Variants in RBFOX1 observed in about 807,000 individuals in gnomAD.
RBFOX1 encodes the protein RNA binding protein fox-1 homolog 1.
RBFOX1 carries 8 observed loss-of-function variants against 57.7 expected under a neutral mutation model. The observed-to-expected ratio is 0.14, with a 90% CI of 0.08 to 0.25. The LOEUF is 0.25. Among genes scored for constraint, RBFOX1 ranks in the 10% least tolerant of loss-of-function variants. The pLI, the probability that RBFOX1 is intolerant of heterozygous loss-of-function variation, is 1.00. For missense variants in RBFOX1, 611 were observed against 548.5 expected (o/e 1.11, Z -1.14); for synonymous variants, 326 against 222.4 (o/e 1.47, Z -4.15).
chr16:7,431,321 G>A (rs1458196790), intron 4 of RBFOX1: 4 of 152,172 alleles, frequency 2.6e-5, no homozygotes. Flanking sequence ...CAAGCTTGTG[G>A]GCTCAAGGAA....
intron 3 of RBFOX1, among the ~76,000 whole-genome samples, chr16:5,755,134 C>A (rs1362604915): frequency 1.9e-5 from 2 of 107,096 alleles, no homozygotes; most frequent in Admixed American, 2.1e-4. Flanking sequence ...TGCCTTCAAG[C>A]ATCTGTTTAA....
Position 6,431,523 on chromosome 16 carries a change from C to G in RBFOX1, c.-64+114466C>G, listed in dbSNP as rs181038243. ...AAATGTCTGCTCAGTTGGCAGGTGT[C>G]AGAGAAATCTACAAGCAGATAAAAC... On this transcript the variant is annotated intron_variant, in intron 2 of 15. Coordinates refer to ENST00000550418, the MANE Select transcript of RBFOX1 (RefSeq NM_018723.4). Among the ~76,000 whole-genome samples the G allele has an allele frequency of 8.2e-3, 1,239 of 151,972 alleles. 9 individuals are homozygous for G. The highest frequency in any genetic ancestry group is 0.014 in the Non-Finnish European group (952 of 67,974).
intron 3 of RBFOX1, among the ~76,000 whole-genome samples, chr16:6,806,401 A>C (rs758968272): frequency 2.6e-5 from 4 of 152,194 alleles, no homozygotes; most frequent in Non-Finnish European, 4.4e-5. Flanking sequence ...AACCAGAAAG[A>C]CTGTAATACA....
intron 4 of RBFOX1, among the ~76,000 whole-genome samples, chr16:7,214,044 G>A (rs991315292): frequency 2.3e-4 from 35 of 151,490 alleles, no homozygotes; most frequent in Non-Finnish European, 7.4e-5. Flanking sequence ...CCTAGAAACT[G>A]GTCCTTTCTG....
chr16:6,653,933 TGATGGATAGAG>T (rs1417319595), intron 2 of RBFOX1, among the ~76,000 whole-genome samples: 58 of 145,872 alleles, frequency 4.0e-4, no homozygotes, highest in African/African-American at 1.4e-3. Context: ...TGTAGATGAT[TGATGGATAGAG>T]GGTGGATGAA....
intron 4 of RBFOX1, among the ~76,000 whole-genome samples, chr16:7,186,065 TATTTTG>T (rs1567616409): frequency 6.6e-6 from 1 of 152,112 alleles, no homozygotes; most frequent in African/African-American, 2.4e-5. Context: ...TGAATGCTAC[TATTTTG>T]AAGGATATTC....
At chr16:7,021,944 TTTC>T (rs906194721) in intron 3 of RBFOX1, among the ~76,000 whole-genome samples, 8 of 142,836 alleles carry the variant, frequency 5.6e-5, no homozygotes, top group African/African-American at 2.2e-4. Flanking sequence ...CTTTTCTTTC[TTTC>T]TTTTCTTTCT....
At chr16:5,732,052 T>G (rs990040680) in intron 3 of RBFOX1, among the ~76,000 whole-genome samples, 1 of 152,194 alleles carries the variant, frequency 6.6e-6, no homozygotes, top group African/African-American at 2.4e-5. Flanking sequence ...AGGGTAACAT[T>G]TCCTCTTTGC....
At chr16:5,796,256 G>A (rs537155454) in intron 3 of RBFOX1, among the ~76,000 whole-genome samples, 2 of 152,336 alleles carry the variant, frequency 1.3e-5, no homozygotes, top group South Asian at 4.1e-4. Context: ...AAGTGGATGT[G>A]GCCCACATGG....
chr16:5,581,193 G>C (rs562597396), intron 2 of RBFOX1, among the ~76,000 whole-genome samples: 1 of 152,276 alleles, frequency 6.6e-6, no homozygotes, highest in East Asian at 1.9e-4. Context: ...AAAGAAACTA[G>C]AAGCTAAAGC....
In RBFOX1 at chr16:7,230,288, G is replaced by A. The variant is rs192622538; in HGVS notation, c.27+178190G>A. The stretch of plus-strand genomic sequence containing the variant: ...AAACAAACAGAAAGTACCTGCCGTC[G>A]TTGTCTAGTGGACAAGGCAAAACAT... On this transcript the variant is annotated intron_variant, in intron 4 of 15. Transcript: ENST00000550418. 2.4e-4 allele frequency among the ~76,000 whole-genome samples: 36 copies of A among 152,164 alleles called. No homozygotes were observed. In the East Asian group the frequency reaches 5.8e-3, roughly 25 times the overall value.
intron 1 of RBFOX1, among the ~76,000 whole-genome samples, chr16:6,228,808 C>T (rs529237767): frequency 6.6e-6 from 1 of 152,240 alleles, no homozygotes; most frequent in East Asian, 1.9e-4. Flanking sequence ...TAAGTGTTCT[C>T]ACACAAAACA....
rs2076517925 is a variant in RBFOX1 at position 7,688,251 on chromosome 16, GTGTGTGT to G, written c.995+11414_995+11420del. On this transcript the variant is annotated intron_variant, in intron 14 of 15. Coordinates refer to ENST00000550418, the MANE Select transcript of RBFOX1 (RefSeq NM_018723.4). ...TGTGTGTGTGTGTGTGTGTGTGTGT[GTGTGTGT>G]GTGAGAGAGAGAGAGAGAGAGAGAG... Among the ~76,000 whole-genome samples, 4 of 149,330 alleles carry G rather than the reference GTGTGTGT, an allele frequency of 2.7e-5. 1 individual carries two copies. The Admixed American group carries it at 2.7e-4, about 10-fold the overall frequency.
intron 1 of RBFOX1, among the ~76,000 whole-genome samples, chr16:6,120,125 C>A (rs1185111115): frequency 6.6e-6 from 1 of 152,172 alleles, no homozygotes; most frequent in Non-Finnish European, 1.5e-5. Flanking sequence ...GTGCTTCATT[C>A]CCTTTTATGG....
intron 1 of RBFOX1, among the ~76,000 whole-genome samples, chr16:6,301,560 G>GA (rs1294943933): frequency 6.6e-6 from 1 of 152,048 alleles, no homozygotes. Context: ...ATTTTCAAAT[G>GA]AAAAAAATAT....
intron 3 of RBFOX1, among the ~76,000 whole-genome samples, chr16:5,830,966 A>AT (rs2056246302): frequency 8.7e-6 from 1 of 115,324 alleles, no homozygotes; most frequent in Non-Finnish European, 2.0e-5. Flanking sequence ...ACCATTTCCT[A>AT]TCCCCCCCCA....
intron 1 of RBFOX1, among the ~76,000 whole-genome samples, chr16:5,435,899 C>T (rs532744301): frequency 9.2e-5 from 14 of 152,236 alleles, no homozygotes; most frequent in Admixed American, 4.6e-4. Flanking sequence ...AACAGAGCTG[C>T]GGTGAACAAC....
At chr16:6,904,323 A>T (rs372775840) in intron 3 of RBFOX1, among the ~76,000 whole-genome samples, 1 of 152,008 alleles carries the variant, frequency 6.6e-6, no homozygotes, top group African/African-American at 2.4e-5. Context: ...TCTTTAGGCC[A>T]GGTGGGCTGG....
chr16:6,347,645 C>T (rs768358503), intron 2 of RBFOX1, among the ~76,000 whole-genome samples: 3 of 152,064 alleles, frequency 2.0e-5, no homozygotes, highest in Admixed American at 1.3e-4. Context: ...TATCTTAGAG[C>T]AAGGAGAAAC....
Sources: allele counts gnomAD v4.1 joint callset (sites outside exome capture counted in the v4.1 genomes callset), GRCh38; gene constraint gnomAD v4.1.1; transcripts MANE v1.5; gene names NCBI Gene and HGNC (gene_info 2026-07-23, HGNC 2026-07-21).